LUZP2: variants seen among roughly 807,000 people sequenced by gnomAD.
The protein encoded by LUZP2 is leucine zipper protein 2.
In LUZP2, 52 loss-of-function variants were observed where a neutral mutation model predicts 51.6. That is an observed-to-expected ratio of 1.01 (90% confidence interval 0.81 to 1.27). The LOEUF is 1.27. Among genes scored for constraint, LUZP2 ranks in the 50% most tolerant of loss-of-function variants. LUZP2 has a pLI of 0.00. For synonymous variants in LUZP2, 154 were observed against 137.3 expected (o/e 1.12, Z -0.85); for missense variants, 436 against 395.4 (o/e 1.10, Z -0.87).
intron 7 of LUZP2, among the ~76,000 whole-genome samples, chr11:24,922,724 A>G (rs771088596): frequency 4.0e-5 from 6 of 150,736 alleles, no homozygotes; most frequent in Non-Finnish European, 7.4e-5. Context: ...TGAGTCAGAC[A>G]GGGAAGACAA....
chr11:24,676,733 G>C (rs1420065720), intron 1 of LUZP2, among the ~76,000 whole-genome samples: 1 of 151,544 alleles, frequency 6.6e-6, no homozygotes, highest in Non-Finnish European at 1.5e-5. Context: ...GTGTGATCTT[G>C]GCTCACCACA....
chr11:25,042,037 C>T (rs575083511), intron 9 of LUZP2, among the ~76,000 whole-genome samples: 3 of 152,276 alleles, frequency 2.0e-5, no homozygotes, highest in South Asian at 2.1e-4. Flanking sequence ...TTGTCTTCCA[C>T]AAAACCAGTC....
intron 5 of LUZP2, among the ~76,000 whole-genome samples, chr11:24,855,530 G>T (rs1851535177): frequency 6.6e-6 from 1 of 152,104 alleles, no homozygotes; most frequent in Non-Finnish European, 1.5e-5. Flanking sequence ...TGTTAAAATG[G>T]CAATAGTGTA....
At chr11:24,707,439 T>C (rs1263910827) in intron 1 of LUZP2, among the ~76,000 whole-genome samples, 1 of 152,134 alleles carries the variant, frequency 6.6e-6, no homozygotes, top group African/African-American at 2.4e-5. Context: ...TGTTGTTAGA[T>C]GGACAACTAA....
At chr11:24,833,712 G>GCA (rs71044309) in intron 5 of LUZP2, among the ~76,000 whole-genome samples, 127 of 147,230 alleles carry the variant, frequency 8.6e-4, no homozygotes, top group Middle Eastern at 3.6e-3. Context: ...CCGCGCGCGC[G>GCA]CACACACACA....
rs190820917 is a variant in LUZP2 at position 24,622,331 on chromosome 11, A to G, written c.63-106838A>G. Among the ~76,000 whole-genome samples, 352 of 148,412 alleles carry G rather than the reference A, an allele frequency of 2.4e-3. 3 individuals carry two copies. Among genetic ancestry groups the G allele is most frequent in the African/African-American group, 8.0e-3 (322 of 40,136 alleles). On this transcript the variant is annotated intron_variant, in intron 1 of 11. Coordinates refer to ENST00000336930, the MANE Select transcript of LUZP2 (RefSeq NM_001009909.4). ...GTGTGATGTTCCGCTTCCTGTGTCC[A>G]TGTGTTCTCATTGTTCAATTCCCAC...
intron 10 of LUZP2, among the ~76,000 whole-genome samples, chr11:25,076,614 TGAAG>T: frequency 2.7e-5 from 1 of 37,248 alleles, no homozygotes; most frequent in African/African-American, 7.7e-5. Context: ...AAGGAAGGAA[TGAAG>T]GAAGGAAGGG....
chr11:24,833,374 G>A (rs1564959961), intron 5 of LUZP2, among the ~76,000 whole-genome samples: 1 of 151,798 alleles, frequency 6.6e-6, no homozygotes, highest in Non-Finnish European at 1.5e-5. Context: ...TAATTTTGCT[G>A]AGAAATAAAT....
At chr11:24,826,887 G>C (rs1481508600) in intron 5 of LUZP2, among the ~76,000 whole-genome samples, 5 of 150,322 alleles carry the variant, frequency 3.3e-5, no homozygotes, top group African/African-American at 1.2e-4. Flanking sequence ...CTCAGTCCTA[G>C]ACCACCAAGA....
rs144725377 is a variant in LUZP2 at position 24,682,074 on chromosome 11, A to G, written c.63-47095A>G. On this transcript the variant is annotated intron_variant, in intron 1 of 11. Coordinates refer to ENST00000336930, the MANE Select transcript of LUZP2 (RefSeq NM_001009909.4). ...TATCTCAGAATAAGCAAAGGTGTCT[A>G]TCTCAGCACATCTGAAAAACAGTCT... Among the ~76,000 whole-genome samples the G allele has an allele frequency of 6.9e-3, 1,049 of 152,346 alleles. 12 individuals carry two copies. Among genetic ancestry groups the G allele is most frequent in the African/African-American group, 0.024 (982 of 41,580 alleles).
intron 5 of LUZP2, among the ~76,000 whole-genome samples, chr11:24,789,269 TC>T (rs1243260319): frequency 1.1e-4 from 16 of 152,174 alleles, no homozygotes; most frequent in Non-Finnish European, 1.5e-5. Context: ...ATGTTTATCC[TC>T]TATATATGGT....
At chr11:24,679,212 TCTTTATTG>T in intron 1 of LUZP2, among the ~76,000 whole-genome samples, 1 of 152,318 alleles carries the variant, frequency 6.6e-6, no homozygotes, top group Admixed American at 6.5e-5. Flanking sequence ...TCAACTCTGA[TCTTTATTG>T]CTTTATTTAC....
intron 5 of LUZP2, among the ~76,000 whole-genome samples, chr11:24,823,389 GAAA>G (rs58275746): frequency 1.2e-4 from 11 of 92,754 alleles, no homozygotes; most frequent in South Asian, 1.0e-3. Flanking sequence ...AATGAATTCA[GAAA>G]AAAAAAAAAA....
At chr11:24,963,148 C>G (rs1418532460) in intron 7 of LUZP2, among the ~76,000 whole-genome samples, 1 of 152,062 alleles carries the variant, frequency 6.6e-6, no homozygotes, top group South Asian at 2.1e-4. Flanking sequence ...AGTACCCGGC[C>G]GTGTGAAGTG....
At chr11:24,607,001 T>C (rs943736028) in intron 1 of LUZP2, among the ~76,000 whole-genome samples, 2 of 152,054 alleles carry the variant, frequency 1.3e-5, no homozygotes, top group African/African-American at 4.8e-5. Context: ...TTTATAGTTG[T>C]TTTGCTGCTG....
At chr11:24,694,313 A>T (rs1195901277) in intron 1 of LUZP2, among the ~76,000 whole-genome samples, 1 of 152,014 alleles carries the variant, frequency 6.6e-6, no homozygotes, top group Non-Finnish European at 1.5e-5. Flanking sequence ...CCATATATCT[A>T]TCTGTTCAGC....
At chr11:24,865,068 G>A (rs1851849465) in intron 5 of LUZP2, among the ~76,000 whole-genome samples, 1 of 152,162 alleles carries the variant, frequency 6.6e-6, no homozygotes, top group African/African-American at 2.4e-5. Context: ...ACATGGTCAT[G>A]ATGACTGCTG....
intron 6 of LUZP2, among the ~76,000 whole-genome samples, chr11:24,907,585 G>T (rs1458818300): frequency 2.0e-5 from 3 of 152,048 alleles, no homozygotes; most frequent in East Asian, 1.9e-4. Flanking sequence ...GTTTGTGCAG[G>T]TTGTGAGTAT....
intron 9 of LUZP2, among the ~76,000 whole-genome samples, chr11:25,040,116 G>C (rs904166042): frequency 1.3e-5 from 2 of 151,900 alleles, no homozygotes; most frequent in African/African-American, 4.8e-5. Context: ...GTAAATCATA[G>C]AAGAATAAAA....
Sources: allele counts gnomAD v4.1 joint callset (sites outside exome capture counted in the v4.1 genomes callset), GRCh38; gene constraint gnomAD v4.1.1; transcripts MANE v1.5; gene names NCBI Gene and HGNC (gene_info 2026-07-23, HGNC 2026-07-21).